PHF20: variants seen among roughly 807,000 people sequenced by gnomAD.
The protein encoded by PHF20 is PHD finger protein 20.
PHF20 carries 23 observed loss-of-function variants against 113.5 expected under a neutral mutation model. That is an observed-to-expected ratio of 0.20 (90% CI 0.15 to 0.29). PHF20 has a LOEUF of 0.29. Among genes scored for constraint, PHF20 ranks in the 10% least tolerant of loss-of-function variants. PHF20 has a pLI of 1.00. For synonymous variants in PHF20, 434 were observed against 457.3 expected, an observed-to-expected ratio of 0.95 and a Z score of 0.65; for missense variants, 943 against 1,219.6, an observed-to-expected ratio of 0.77 and a Z score of 3.38.
chr20:35,939,222 G>A, intron 16 of PHF20, 114 bp downstream of exon 16: 1 of 1,234,618 alleles, frequency 8.1e-7, no homozygotes, highest in Non-Finnish European at 1.1e-6. Context: ...ATTTAAATTT[G>A]CTTACCATAG....
At chr20:35,878,066 A>G (rs1302983350) in intron 9 of PHF20, among the ~76,000 whole-genome samples, 1 of 152,162 alleles carries the variant, frequency 6.6e-6, no homozygotes, top group Non-Finnish European at 1.5e-5. Context: ...GCTTTAATGA[A>G]TTTGTGTTCT....
chr20:35,883,610 T>C (rs1199326471), intron 9 of PHF20, among the ~76,000 whole-genome samples: 3 of 152,088 alleles, frequency 2.0e-5, no homozygotes, highest in Non-Finnish European at 4.4e-5. Context: ...CCTGGCTAAT[T>C]TTTGTATTTT....
At chr20:35,902,011 C>G (rs554978628) in intron 10 of PHF20, among the ~76,000 whole-genome samples, 24 of 152,154 alleles carry the variant, frequency 1.6e-4, no homozygotes, top group African/African-American at 5.8e-4. Context: ...TTTTAATAAG[C>G]CTGTTTCAAG....
intron 9 of PHF20, among the ~76,000 whole-genome samples, chr20:35,885,913 G>C (rs1411973523): frequency 4.0e-5 from 6 of 151,848 alleles, no homozygotes; most frequent in Admixed American, 3.9e-4. Context: ...AATTTTTACT[G>C]TGATGGCTGC....
intron 2 of PHF20, among the ~76,000 whole-genome samples, chr20:35,815,700 C>T (rs1398112066): frequency 6.6e-6 from 1 of 151,866 alleles, no homozygotes; most frequent in Non-Finnish European, 1.5e-5. Context: ...CTCCTGACCT[C>T]GTGTTCCACC....
Position 35,863,094 on chromosome 20 carries a change from G to A in PHF20, c.502G>A (p.Glu168Lys). Residue 168 changes from glutamate (E) to lysine (K), a missense_variant, in exon 6 of 18, where the codon GAA becomes AAA. Around this residue, in one of 3 missense-constraint regions of PHF20, gnomAD observed 592 missense variants for 787.2 expected, o/e 0.75. Coordinates refer to ENST00000374012, the MANE Select transcript of PHF20 (RefSeq NM_016436.5). ...TCCTGATAAACGAGAGAAGTTTAAAGAACAGAGAAAAGCAACAGTGAATGT... is the reference window on the plus strand; with the variant it reads ...TCCTGATAAACGAGAGAAGTTTAAAAAACAGAGAAAAGCAACAGTGAATGT... Reference protein sequence around the residue: ...SSPDKREKFKEQRKATVNVKK... With the variant: ...SSPDKREKFKKQRKATVNVKK... 2 of 1,612,390 alleles carry A rather than the reference G, an allele frequency of 1.2e-6. No individual in the cohort carries two copies. Among genetic ancestry groups the A allele is most frequent in the Non-Finnish European group, 8.5e-7 (1 of 1,179,592 alleles).
intron 12 of PHF20, among the ~76,000 whole-genome samples, chr20:35,916,671 G>A (rs539440998): frequency 3.3e-5 from 5 of 152,100 alleles, no homozygotes; most frequent in East Asian, 1.9e-4. Context: ...GTTTCACCAC[G>A]TTGGCCAGGC....
intron 1 of PHF20, among the ~76,000 whole-genome samples, chr20:35,791,966 G>C (rs1026886576): frequency 6.6e-6 from 1 of 152,146 alleles, no homozygotes; most frequent in African/African-American, 2.4e-5. Context: ...AGGTCATACA[G>C]CAGATACATT....
At chr20:35,877,486 G>A (rs1351493986) in intron 9 of PHF20, among the ~76,000 whole-genome samples, 1 of 150,042 alleles carries the variant, frequency 6.7e-6, no homozygotes, top group African/African-American at 2.5e-5. Flanking sequence ...GTCTCACTGT[G>A]TTGCCTAGGC....
chr20:35,794,087 G>T (rs2146852821), intron 1 of PHF20, among the ~76,000 whole-genome samples: 1 of 151,128 alleles, frequency 6.6e-6, no homozygotes, highest in East Asian at 1.9e-4. Context: ...GATCGCCTGA[G>T]GTCAGGAGTT....
At chr20:35,875,055 G>A (rs114991752) in intron 9 of PHF20, among the ~76,000 whole-genome samples, 2,225 of 152,194 alleles carry the variant, frequency 0.015, 58 homozygotes, top group African/African-American at 0.051. Context: ...AGCTGTGATT[G>A]TACCACTGCC....
intron 9 of PHF20, among the ~76,000 whole-genome samples, chr20:35,879,330 A>G (rs1336055884): frequency 6.6e-6 from 1 of 152,198 alleles, no homozygotes; most frequent in Non-Finnish European, 1.5e-5. Context: ...TGTAAACATG[A>G]GAATAACTTA....
At chr20:35,879,730 C>G (rs909008008) in intron 9 of PHF20, among the ~76,000 whole-genome samples, 2 of 140,090 alleles carry the variant, frequency 1.4e-5, no homozygotes, top group Admixed American at 7.2e-5. Flanking sequence ...AACAAAAAAA[C>G]AAATTGACCT....
chr20:35,940,874 A>G lies in PHF20; in HGVS notation c.2723A>G (p.Tyr908Cys). 6.8e-6 allele frequency: 11 copies of G among 1,613,042 alleles called. No homozygotes were observed. The highest frequency in any genetic ancestry group is 9.3e-6 in the Non-Finnish European group (11 of 1,179,562). The change falls in exon 17 of 18, where the codon TAT (tyrosine) becomes TGT (cysteine). Residue 908 changes from tyrosine (Y) to cysteine (C), a missense_variant. By Grantham distance (194) the Tyr-to-Cys change is radical. Coordinates refer to ENST00000374012, the MANE Select transcript of PHF20 (RefSeq NM_016436.5). ...PKPGSPKVKE[Y>C]VSKKALPEEA... ...CCATTGCATCCCCAGGTGAAGGAAT[A>G]TGTCTCCAAAAAGGCCCTACCAGAA...
Position 35,947,729 on chromosome 20 carries a change from A to C in PHF20, c.*102A>C, listed in dbSNP as rs2147142822. On this transcript the variant is annotated 3_prime_UTR_variant, in exon 18 of 18. Transcript: ENST00000374012. ...ACCTAGCATGCTGAATGCACGTGAC[A>C]CCGACTGACTTCAGGGATCTGGGCC... The C allele has an allele frequency of 8.1e-7, 1 of 1,227,494 alleles. No homozygotes were observed. The highest frequency in any genetic ancestry group is 1.1e-6 in the Non-Finnish European group (1 of 873,276). The allele number at this position is 1,227,494 out of a possible 1,614,324, so 76.0% of individuals were successfully genotyped here.
intron 9 of PHF20, 141 bp downstream of exon 9, chr20:35,871,970 C>G (rs2054431233): frequency 7.7e-6 from 4 of 521,284 alleles, no homozygotes; most frequent in Middle Eastern, 5.3e-4. Flanking sequence ...TGTTATGCTC[C>G]TTTCATTTCT....
intron 14 of PHF20, among the ~76,000 whole-genome samples, chr20:35,928,097 G>T (rs1469319789): frequency 1.3e-5 from 2 of 152,198 alleles, no homozygotes; most frequent in Non-Finnish European, 2.9e-5. Context: ...CTAGTGGAAG[G>T]CCTGGCCTTG....
At chr20:35,778,135 G>A (rs2041211871) in intron 1 of PHF20, among the ~76,000 whole-genome samples, 1 of 151,994 alleles carries the variant, frequency 6.6e-6, no homozygotes, top group Admixed American at 6.6e-5. Context: ...CTAGGCTGGA[G>A]TGTAGTGGCG....
At chr20:35,905,177 G>A (rs2055181109) in intron 10 of PHF20, among the ~76,000 whole-genome samples, 1 of 152,124 alleles carries the variant, frequency 6.6e-6, no homozygotes, top group African/African-American at 2.4e-5. Flanking sequence ...ATGAGACCAG[G>A]CCCTTTCATG....
Sources: allele counts gnomAD v4.1 joint callset (sites outside exome capture counted in the v4.1 genomes callset), GRCh38; gene constraint gnomAD v4.1.1; regional missense constraint gnomAD v4.1.1; transcripts MANE v1.5; gene names NCBI Gene and HGNC (gene_info 2026-07-23, HGNC 2026-07-21).